Variants in C13orf42 observed in about 807,000 individuals in gnomAD.
The protein encoded by C13orf42 is uncharacterized protein C13orf42.
upstream of C13orf42, among the ~76,000 whole-genome samples, chr13:51,111,427 A>C (rs1360286411): frequency 6.6e-6 from 1 of 152,154 alleles, no homozygotes; most frequent in African/African-American, 2.4e-5. Context: ...GGCCATAAAC[A>C]ACCCGAAGAT....
At chr13:51,106,510 C>T (rs1361392242) in intron 1 of C13orf42, among the ~76,000 whole-genome samples, 2 of 152,196 alleles carry the variant, frequency 1.3e-5, no homozygotes, top group African/African-American at 4.8e-5. Flanking sequence ...GGGATCAAAT[C>T]CTGGCTTTCT....
upstream of C13orf42, among the ~76,000 whole-genome samples, chr13:51,113,997 C>T (rs966768010): frequency 9.9e-5 from 15 of 152,234 alleles, no homozygotes; most frequent in African/African-American, 3.1e-4. Flanking sequence ...ACTTGTGTAA[C>T]AAAACTTGCT....
intron 1 of C13orf42, among the ~76,000 whole-genome samples, chr13:51,155,532 C>A (rs1466759297): frequency 6.6e-6 from 1 of 152,220 alleles, no homozygotes; most frequent in African/African-American, 2.4e-5. Flanking sequence ...GGGTAATTTG[C>A]AGATGAGGAT....
intron 1 of C13orf42, among the ~76,000 whole-genome samples, chr13:51,118,038 C>T (rs9568524): frequency 0.35 from 53,656 of 152,126 alleles, 9,895 homozygotes; most frequent in South Asian, 0.48. Context: ...CCAGAATCTA[C>T]TCACAAGGTA....
At chr13:51,117,167 C>G (rs539812560) in intron 1 of C13orf42, among the ~76,000 whole-genome samples, 1 of 152,354 alleles carries the variant, frequency 6.6e-6, no homozygotes, top group African/African-American at 2.4e-5. Context: ...CATTGGACAG[C>G]AGCCAGTGAA....
In C13orf42 at chr13:51,084,331, AG is replaced by A; in HGVS notation, c.804-7del. 2.5e-6 allele frequency: 1 copy of A among 398,758 alleles called. No individual in the cohort carries two copies. Among genetic ancestry groups the A allele is most frequent in the East Asian group, 3.6e-5 (1 of 28,078 alleles). The allele number at this position is 398,758 out of a possible 1,614,324, so 24.7% of individuals were successfully genotyped here. On this transcript the variant is annotated splice_polypyrimidine_tract_variant and splice_region_variant and intron_variant, in intron 3 of 3. Coordinates refer to ENST00000563710, the MANE Select transcript of C13orf42 (RefSeq NM_001351589.3). The stretch of plus-strand genomic sequence containing the variant: ...TCTGTCTGGAGCTCCCCAGGCTAGA[AG>A]GAAGGAATGAGGCAGGAGGTTTAAG...
intron 1 of C13orf42, among the ~76,000 whole-genome samples, chr13:51,093,419 G>T (rs1203333339): frequency 6.6e-6 from 1 of 152,212 alleles, no homozygotes; most frequent in African/African-American, 2.4e-5. Flanking sequence ...CACTAGCCAT[G>T]TGAGTGGCTA....
chr13:51,146,431 G>C (rs1953736309), intron 1 of C13orf42, among the ~76,000 whole-genome samples: 1 of 152,196 alleles, frequency 6.6e-6, no homozygotes, highest in African/African-American at 2.4e-5. Flanking sequence ...CGAGACAGCT[G>C]TCAATCAGTT....
Position 51,161,946 on chromosome 13 carries a change from C to T in C13orf42, n.136+10307G>A, listed in dbSNP as rs555975882. On this transcript the variant is annotated intron_variant and non_coding_transcript_variant, in intron 1 of 4. Transcript: ENST00000433280. ...CCTGGCTGACCATCAGTGCTTCCCA[C>T]GTTGTATTCATCTCTGGTTACCTCC... 16 of 487,028 alleles carry T rather than the reference C, an allele frequency of 3.3e-5. No individual in the cohort carries two copies. The East Asian group carries it at 8.6e-4, about 26-fold the overall frequency. The allele number at this position is 487,028 out of a possible 1,614,324, so 30.2% of individuals were successfully genotyped here.
chr13:51,141,755 A>C (rs1408499426), intron 1 of C13orf42, among the ~76,000 whole-genome samples: 1 of 152,098 alleles, frequency 6.6e-6, no homozygotes, highest in East Asian at 1.9e-4. Flanking sequence ...CCGAGATCCC[A>C]CCACTGCACT....
chr13:51,123,944 A>G (rs1486901999), intron 1 of C13orf42, among the ~76,000 whole-genome samples: 1 of 152,212 alleles, frequency 6.6e-6, no homozygotes, highest in Non-Finnish European at 1.5e-5. Context: ...AAAAGCTACC[A>G]GCCACCAAGT....
At chr13:51,148,145 G>T (rs113450390) in intron 1 of C13orf42, among the ~76,000 whole-genome samples, 215 of 152,298 alleles carry the variant, frequency 1.4e-3, no homozygotes, top group African/African-American at 5.1e-3. Flanking sequence ...ATGGCAAATT[G>T]GACCCCTATG....
chr13:51,086,471 TGA>T (rs1395717099), intron 2 of C13orf42, among the ~76,000 whole-genome samples: 1 of 151,752 alleles, frequency 6.6e-6, no homozygotes, highest in African/African-American at 2.4e-5. Flanking sequence ...TGTGTGTATG[TGA>T]GAGTGTGTGT....
At chr13:51,118,218 TGAA>T (rs1453932961) in intron 1 of C13orf42, among the ~76,000 whole-genome samples, 1 of 152,190 alleles carries the variant, frequency 6.6e-6, no homozygotes, top group African/African-American at 2.4e-5. Context: ...GGAAATAAGA[TGAA>T]GAAGACATTT....
chr13:51,153,621 GTTTTTTTTCT>G (rs1953799974), intron 1 of C13orf42, among the ~76,000 whole-genome samples: 10 of 82,034 alleles, frequency 1.2e-4, no homozygotes, highest in East Asian at 6.8e-4. Flanking sequence ...CTTGCTTTCT[GTTTTTTTTCT>G]TTTTTTTTTT....
chr13:51,100,463 C>T (rs1329475718), intron 1 of C13orf42, among the ~76,000 whole-genome samples: 1 of 151,950 alleles, frequency 6.6e-6, no homozygotes, highest in African/African-American at 2.4e-5. Context: ...AAATAAATAA[C>T]AAAACTTTAA....
rs3803198 is a variant in C13orf42, at chr13:51,084,046, T to G, written c.*105A>C. 0.24 allele frequency: 95,493 copies of G among 396,448 alleles called. 11,815 individuals carry two copies. The highest frequency in any genetic ancestry group is 0.41 in the South Asian group (2,885 of 7,088). The allele number at this position is 396,448 out of a possible 1,614,324, so 24.6% of individuals were successfully genotyped here. A position where few individuals can be genotyped will look rare whatever the true frequency, so the allele number is the denominator to read the frequency against. On this transcript the variant is annotated 3_prime_UTR_variant, in exon 4 of 4. Coordinates refer to ENST00000563710, the MANE Select transcript of C13orf42 (RefSeq NM_001351589.3). Reference sequence around the variant, plus strand: ...GGCAGTGTGCTGAGTGGGTTGACTGTGTTACAATTGGCATTTTCAACTCTA... The same window carrying G: ...GGCAGTGTGCTGAGTGGGTTGACTGGGTTACAATTGGCATTTTCAACTCTA...
chr13:51,103,744 G>A (rs557612588), intron 1 of C13orf42, among the ~76,000 whole-genome samples: 1 of 152,266 alleles, frequency 6.6e-6, no homozygotes, highest in Middle Eastern at 3.4e-3. Flanking sequence ...CAACAACCCA[G>A]ACAAGCCTTG....
At chr13:51,143,780 T>C (rs1484636031) in intron 1 of C13orf42, among the ~76,000 whole-genome samples, 3 of 152,186 alleles carry the variant, frequency 2.0e-5, no homozygotes, top group Non-Finnish European at 2.9e-5. Context: ...AGGCATTAGG[T>C]TCGCTAAAGT....
Sources: allele counts gnomAD v4.1 joint callset (sites outside exome capture counted in the v4.1 genomes callset), GRCh38; gene constraint gnomAD v4.1.1; transcripts MANE v1.5; gene names NCBI Gene and HGNC (gene_info 2026-07-23, HGNC 2026-07-21).